The following UBA2 variants were observed in gnomAD, a reference collection of about 807,000 sequenced individuals.
UBA2 encodes ubiquitin like modifier activating enzyme 2, also known as SUMO-activating enzyme subunit 2.
A neutral mutation model predicts 77.2 loss-of-function variants in UBA2; 11 were observed. That is an observed-to-expected ratio of 0.14 (90% CI 0.09 to 0.24). UBA2 has a LOEUF of 0.24. UBA2 is among the 10% of genes least tolerant of loss of function. The pLI is 1.00. For missense variants in UBA2, 487 were observed against 781.7 expected (o/e 0.62, Z 4.50); for synonymous variants, 278 against 276.7 (o/e 1.00, Z -0.05).
At position 34,446,929 on chromosome 19, in the gene UBA2, A is replaced by G. The variant is rs184230342; in HGVS notation, c.771+1808A>G. 9.2e-5 allele frequency among the ~76,000 whole-genome samples: 14 copies of G among 152,162 alleles called. No individual in the cohort carries two copies. The East Asian group carries it at 2.5e-3, about 27-fold the overall frequency. Reference sequence around the variant, plus strand: ...CCCACAGGTTGACTTTCTTATCCCTATTGCATTTATTTCCTCACTACAGCC... The same window carrying G: ...CCCACAGGTTGACTTTCTTATCCCTGTTGCATTTATTTCCTCACTACAGCC... On this transcript the variant is annotated intron_variant, in intron 8 of 16. Transcript: ENST00000246548.
intron 12 of UBA2, among the ~76,000 whole-genome samples, chr19:34,456,517 T>C (rs1202315477): frequency 6.6e-6 from 1 of 152,170 alleles, no homozygotes; most frequent in Non-Finnish European, 1.5e-5. Flanking sequence ...ATTTAAACTT[T>C]TATTGTATAT....
rs541133175 is a variant in UBA2 at position 34,465,411 on chromosome 19, G to A, written c.1604+1280G>A. Among the ~76,000 whole-genome samples, 6 of 152,156 alleles carry A rather than the reference G, an allele frequency of 3.9e-5. No individual in the cohort carries two copies. In the East Asian group the frequency reaches 1.2e-3, roughly 29 times the overall value. On this transcript the variant is annotated intron_variant, in intron 15 of 16. Coordinates refer to ENST00000246548, the MANE Select transcript of UBA2 (RefSeq NM_005499.3). Reference sequence around the variant, plus strand: ...CCCAGCACTTTGGGAGGCTGAGGCGGGTGGATCACGAGGTCAGGAGTTCAA... The same window carrying A: ...CCCAGCACTTTGGGAGGCTGAGGCGAGTGGATCACGAGGTCAGGAGTTCAA...
intron 12 of UBA2, among the ~76,000 whole-genome samples, chr19:34,457,904 A>G (rs1348192790): frequency 6.6e-6 from 1 of 152,154 alleles, no homozygotes; most frequent in Non-Finnish European, 1.5e-5. Flanking sequence ...TTTGTTTAGT[A>G]TTAGAGAAAT....
chr19:34,428,778 C>T (rs943637209), intron 1 of UBA2: 2 of 1,142,218 alleles, frequency 1.8e-6, no homozygotes, highest in South Asian at 9.1e-5. Flanking sequence ...GCTCGCTGGG[C>T]CGGCTCCGGA....
At chr19:34,438,913 GGT>G in intron 6 of UBA2, 147 bp downstream of exon 6, 1 of 1,171,706 alleles carries the variant, frequency 8.5e-7, no homozygotes, top group Non-Finnish European at 1.2e-6. Flanking sequence ...GTATTTCTTA[GGT>G]TAAATGTAGC....
chr19:34,469,265 C>G lies in UBA2; in HGVS notation c.*44C>G. On this transcript the variant is annotated 3_prime_UTR_variant, in exon 17 of 17. Coordinates refer to ENST00000246548, the MANE Select transcript of UBA2 (RefSeq NM_005499.3). The stretch of plus-strand genomic sequence containing the variant: ...AGAACCCTCTTACTATTTAGTTTAT[C>G]TGGGCAGAACCAGATTGTTATGTCC... The G allele has an allele frequency of 6.8e-7, 1 of 1,478,462 alleles. No individual in the cohort carries two copies. 91.6% of individuals were successfully genotyped at this position (1,478,462 alleles called of 1,614,324 possible). A position where few individuals can be genotyped will look rare whatever the true frequency, so the allele number is the denominator to read the frequency against.
chr19:34,468,561 A>G lies in UBA2; in HGVS notation c.1742-479A>G, dbSNP rs112449545. 8.0e-3 allele frequency among the ~76,000 whole-genome samples: 1,224 copies of G among 152,278 alleles called. 9 individuals are homozygous for G. Among genetic ancestry groups the G allele is most frequent in the African/African-American group, 0.027 (1,141 of 41,540 alleles). Reference sequence around the variant, plus strand: ...GTTCCTGGCTTCATCCTCTGCTACTATGTAAGCTTGGGAAGTCATTCACTG... The same window carrying G: ...GTTCCTGGCTTCATCCTCTGCTACTGTGTAAGCTTGGGAAGTCATTCACTG... On this transcript the variant is annotated intron_variant, in intron 16 of 16. Coordinates refer to ENST00000246548, the MANE Select transcript of UBA2 (RefSeq NM_005499.3).
At chr19:34,449,624 T>C (rs1482594197) in intron 8 of UBA2, among the ~76,000 whole-genome samples, 1 of 152,238 alleles carries the variant, frequency 6.6e-6, no homozygotes, top group African/African-American at 2.4e-5. Context: ...TAAAATCACT[T>C]GAAGTTCTAA....
chr19:34,451,418 C>T (rs2075494610), intron 9 of UBA2, among the ~76,000 whole-genome samples: 2 of 151,896 alleles, frequency 1.3e-5, no homozygotes, highest in African/African-American at 2.4e-5. Flanking sequence ...TTCTCATTCT[C>T]ACTAGGTGCT....
intron 16 of UBA2, 59 bp from the exon 17 acceptor site, chr19:34,468,981 G>A: frequency 7.0e-7 from 1 of 1,433,656 alleles, no homozygotes; most frequent in Admixed American, 2.4e-5. Flanking sequence ...AAATACAGGT[G>A]AGCACAGGTA....
intron 12 of UBA2, 38 bp downstream of exon 12, chr19:34,454,594 T>G: frequency 9.7e-7 from 1 of 1,034,234 alleles, no homozygotes; most frequent in Non-Finnish European, 1.4e-6. Flanking sequence ...CAACCCCCCT[T>G]AAAAAAATCA....
At chr19:34,432,164 A>T (rs2075263217) in intron 3 of UBA2, 1 of 329,662 alleles carries the variant, frequency 3.0e-6, no homozygotes, top group Non-Finnish European at 5.5e-6. Context: ...TTGGAAATTT[A>T]TAAAGACCTT....
At chr19:34,447,313 A>C (rs1274029710) in intron 8 of UBA2, among the ~76,000 whole-genome samples, 1 of 152,164 alleles carries the variant, frequency 6.6e-6, no homozygotes, top group Non-Finnish European at 1.5e-5. Context: ...CACTGACTCA[A>C]ATATTAATGT....
intron 6 of UBA2, among the ~76,000 whole-genome samples, chr19:34,442,554 C>G (rs2075381947): frequency 1.3e-5 from 2 of 152,142 alleles, no homozygotes; most frequent in Admixed American, 6.5e-5. Flanking sequence ...TGCTCAGCCT[C>G]TCGAGTGGCT....
At chr19:34,456,287 G>A (rs2075562060) in intron 12 of UBA2, among the ~76,000 whole-genome samples, 1 of 150,808 alleles carries the variant, frequency 6.6e-6, no homozygotes, top group African/African-American at 2.4e-5. Flanking sequence ...GCTAATTTTT[G>A]TATTATTAGT....
intron 14 of UBA2, among the ~76,000 whole-genome samples, chr19:34,461,511 A>C (rs2075631004): frequency 6.6e-6 from 1 of 152,222 alleles, no homozygotes; most frequent in South Asian, 2.1e-4. Flanking sequence ...GACTTTTAAA[A>C]AAATGTTTGT....
At chr19:34,432,158 A>G (rs2075263193) in intron 3 of UBA2, 2 of 331,434 alleles carry the variant, frequency 6.0e-6, no homozygotes, top group Non-Finnish European at 1.1e-5. Flanking sequence ...AGTTACTTGG[A>G]AATTTATAAA....
chr19:34,451,202 G>A (rs2075491816), intron 9 of UBA2, among the ~76,000 whole-genome samples: 1 of 152,014 alleles, frequency 6.6e-6, no homozygotes, highest in African/African-American at 2.4e-5. Flanking sequence ...TGTAGTGGCT[G>A]CTTTCTCATC....
intron 9 of UBA2, among the ~76,000 whole-genome samples, chr19:34,451,536 GTTTTTT>G (rs773178552): frequency 1.6e-5 from 1 of 62,944 alleles, no homozygotes. Flanking sequence ...AGGTTTAACA[GTTTTTT>G]TTTTTTTTTT....
Sources: allele counts gnomAD v4.1 joint callset (sites outside exome capture counted in the v4.1 genomes callset), GRCh38; gene constraint gnomAD v4.1.1; transcripts MANE v1.5; gene names NCBI Gene and HGNC (gene_info 2026-07-23, HGNC 2026-07-21).